The following TSPAN11 variants were observed in gnomAD, a reference collection of about 807,000 sequenced individuals.
TSPAN11 encodes tetraspanin 11, also known as tetraspanin-11.
TSPAN11 carries 29 observed loss-of-function variants against 32.9 expected under a neutral mutation model. The ratio of observed to expected loss-of-function variants is 0.88; its 90% CI spans 0.66 to 1.20. The LOEUF (loss-of-function observed/expected upper bound fraction) is 1.20, where lower values mean the gene tolerates loss of function less well. Ranked by LOEUF, TSPAN11 falls within the 50% of genes most tolerant of loss-of-function variation. TSPAN11 has a pLI of 0.00. For missense variants in TSPAN11, 283 were observed against 329.1 expected, an observed-to-expected ratio of 0.86 and a Z score of 1.08; for synonymous variants, 140 against 141.3, an observed-to-expected ratio of 0.99 and a Z score of 0.07.
Position 30,979,635 on chromosome 12 carries a change from C to G in TSPAN11, c.421C>G (p.Gln141Glu), listed in dbSNP as rs760103448. 7 of 1,614,078 alleles carry G rather than the reference C, an allele frequency of 4.3e-6. No individual in the cohort carries two copies. Among genetic ancestry groups the G allele is most frequent in the Non-Finnish European group, 5.9e-6 (7 of 1,180,052 alleles). ...AENYGQPGAT[Q>E]ITASVDRLQQ... ...GAACTACGGGCAGCCCGGAGCCACGCAGATCACCGCCTCAGTGGACCGACT... is the reference window on the plus strand; with the variant it reads ...GAACTACGGGCAGCCCGGAGCCACGGAGATCACCGCCTCAGTGGACCGACT... Residue 141 changes from glutamine to glutamate, a missense_variant, in exon 5 of 8, where the codon CAG becomes GAG. Gln to Glu is a conservative substitution (Grantham distance 29). Coordinates refer to ENST00000546076, the MANE Select transcript of TSPAN11 (RefSeq NM_001370302.1).
At chr12:30,982,287 G>A (rs1939107299) in intron 5 of TSPAN11, among the ~76,000 whole-genome samples, 3 of 152,180 alleles carry the variant, frequency 2.0e-5, no homozygotes, top group African/African-American at 7.2e-5. Context: ...TAAAGGACTT[G>A]GGTGGCTAAA....
chr12:30,974,781 C>T (rs1005682708), intron 3 of TSPAN11, among the ~76,000 whole-genome samples: 4 of 152,200 alleles, frequency 2.6e-5, no homozygotes, highest in Non-Finnish European at 5.9e-5. Context: ...TTGTGTCACT[C>T]ATCCGGTGAT....
At chr12:30,990,844 C>T (rs1939298357) in intron 7 of TSPAN11, among the ~76,000 whole-genome samples, 1 of 152,248 alleles carries the variant, frequency 6.6e-6, no homozygotes, top group South Asian at 2.1e-4. Flanking sequence ...CCCCAGGTAT[C>T]ACGGGACAGT....
At chr12:30,951,108 A>G (rs532463375) in intron 1 of TSPAN11, among the ~76,000 whole-genome samples, 10 of 152,326 alleles carry the variant, frequency 6.6e-5, no homozygotes, top group Admixed American at 3.3e-4. Flanking sequence ...ACAATTAACG[A>G]ATTTGATCTA....
chr12:30,961,030 A>G (rs1268161207), intron 2 of TSPAN11, among the ~76,000 whole-genome samples: 2 of 29,284 alleles, frequency 6.8e-5, no homozygotes, highest in African/African-American at 2.1e-4. Context: ...CAGAGCGAGG[A>G]AAAAAAAAAA....
chr12:30,981,854 A>C (rs182200332), intron 5 of TSPAN11, among the ~76,000 whole-genome samples: 1 of 152,324 alleles, frequency 6.6e-6, no homozygotes, highest in Non-Finnish European at 1.5e-5. Flanking sequence ...GCCTCACAGC[A>C]GCCCTGTTCT....
chr12:30,931,084 T>G (rs1592456690), intron 1 of TSPAN11, among the ~76,000 whole-genome samples: 2 of 152,158 alleles, frequency 1.3e-5, no homozygotes, highest in African/African-American at 4.8e-5. Context: ...CCCTCCTTGA[T>G]GGTAGTGTGG....
chr12:30,935,795 G>T (rs889550569), intron 1 of TSPAN11, among the ~76,000 whole-genome samples: 5 of 152,190 alleles, frequency 3.3e-5, no homozygotes, highest in African/African-American at 1.2e-4. Context: ...CCCTAGCTGG[G>T]TCCATTGGTG....
intron 3 of TSPAN11, among the ~76,000 whole-genome samples, chr12:30,964,577 G>T (rs1938689763): frequency 6.6e-6 from 1 of 151,876 alleles, no homozygotes; most frequent in African/African-American, 2.4e-5. Flanking sequence ...TCTTGGTTCC[G>T]TCCACTCTCT....
At chr12:31,005,726 A>AGAGGAGC in the TSPAN11 span, 1 of 156,630 alleles carries the variant, frequency 6.4e-6, no homozygotes, top group African/African-American at 2.4e-5. Context: ...AGCATCCAGT[A>AGAGGAGC]GAGGAGCGGG....
At chr12:30,967,413 G>A (rs1010624008) in intron 3 of TSPAN11, among the ~76,000 whole-genome samples, 5 of 152,212 alleles carry the variant, frequency 3.3e-5, no homozygotes. Flanking sequence ...TCTGCACTTC[G>A]GGGAGTCAAC....
At chr12:30,950,352 T>G (rs140444563) in intron 1 of TSPAN11, among the ~76,000 whole-genome samples, 2,622 of 152,312 alleles carry the variant, frequency 0.017, 29 homozygotes, top group Middle Eastern at 0.027. Context: ...CTTTAAACAA[T>G]GCAGAATTAA....
At chr12:30,952,633 C>T (rs1311649306) in intron 1 of TSPAN11, among the ~76,000 whole-genome samples, 2 of 152,150 alleles carry the variant, frequency 1.3e-5, no homozygotes, top group East Asian at 1.9e-4. Context: ...ATAATTGGGG[C>T]GTGGTCACGC....
chr12:30,988,710 G>T (rs1939252978), intron 7 of TSPAN11: 1 of 152,312 alleles, frequency 6.6e-6, no homozygotes, highest in East Asian at 1.9e-4. Flanking sequence ...TCCCAGCTGG[G>T]TCAAACATAC....
At chr12:30,926,850 G>T (rs1033863234) in intron 1 of TSPAN11, 54 bp downstream of exon 1, 4 of 1,017,974 alleles carry the variant, frequency 3.9e-6, no homozygotes, top group South Asian at 1.5e-5. Context: ...GGGGCTGGGG[G>T]TCCAGGAGAG....
the TSPAN11 span, among the ~76,000 whole-genome samples, chr12:31,005,404 C>T: frequency 6.6e-6 from 1 of 152,210 alleles, no homozygotes; most frequent in East Asian, 1.9e-4. Context: ...TCTCCACAGG[C>T]GGAAGCACTG....
intron 6 of TSPAN11, among the ~76,000 whole-genome samples, 170 bp downstream of exon 6, chr12:30,982,860 G>A (rs1939122298): frequency 6.6e-6 from 1 of 152,200 alleles, no homozygotes. Context: ...CAAAGCCCTG[G>A]GACAAGCAGC....
At chr12:30,968,453 A>G (rs1410181688) in intron 3 of TSPAN11, among the ~76,000 whole-genome samples, 5 of 152,216 alleles carry the variant, frequency 3.3e-5, no homozygotes, top group Non-Finnish European at 5.9e-5. Context: ...TGCTGAAATG[A>G]TGATCAGCTT....
chr12:30,953,854 C>T, intron 1 of TSPAN11, 127 bp from the exon 2 acceptor site: 1 of 644,482 alleles, frequency 1.6e-6, no homozygotes, highest in Non-Finnish European at 2.7e-6. Flanking sequence ...ACATGCAGAG[C>T]CTCAAAGCCC....
Sources: allele counts gnomAD v4.1 joint callset (sites outside exome capture counted in the v4.1 genomes callset), GRCh38; gene constraint gnomAD v4.1.1; transcripts MANE v1.5; gene names NCBI Gene and HGNC (gene_info 2026-07-23, HGNC 2026-07-21).